The following PCNX1 variants were observed in gnomAD, a reference collection of about 807,000 sequenced individuals.
PCNX1 encodes pecanex-like protein 1.
In PCNX1, 78 loss-of-function variants were observed where a neutral mutation model predicts 242.2. The ratio of observed to expected loss-of-function variants is 0.32; its 90% CI spans 0.27 to 0.39. The LOEUF (loss-of-function observed/expected upper bound fraction) is 0.39. PCNX1 is among the 10% of genes least tolerant of loss of function. The pLI, the probability that PCNX1 is intolerant of heterozygous loss-of-function variation, is 1.00. For synonymous variants in PCNX1, 1,024 were observed against 1,032.9 expected, an observed-to-expected ratio of 0.99 and a Z score of 0.17; for missense variants, 2,581 against 2,856.5, an observed-to-expected ratio of 0.90 and a Z score of 2.20.
rs1348416842 is a variant in PCNX1 at position 71,113,235 on chromosome 14, A to AATC, written c.*3301_*3303dup. On this transcript the variant is annotated 3_prime_UTR_variant, in exon 36 of 36. Coordinates refer to ENST00000304743, the MANE Select transcript of PCNX1 (RefSeq NM_014982.3). ...TTTGACTTTGTTACTGGAGGATGAT[A>AATC]ATCTATTTCTATTAGATTCGAAGTA... 1.3e-5 allele frequency: 2 copies of AATC among 152,178 alleles called. No homozygotes were observed. The highest frequency in any genetic ancestry group is 2.9e-5 in the Non-Finnish European group (2 of 68,012). The allele number at this position is 152,178 out of a possible 1,614,324, so 9.4% of individuals were successfully genotyped here.
At chr14:70,975,085 T>TA (rs924551717) in intron 5 of PCNX1, among the ~76,000 whole-genome samples, 4 of 152,270 alleles carry the variant, frequency 2.6e-5, no homozygotes, top group African/African-American at 9.6e-5. Flanking sequence ...TCATTAGCAT[T>TA]AAAAAAACCT....
intron 6 of PCNX1, among the ~76,000 whole-genome samples, chr14:70,983,391 G>A (rs531385410): frequency 3.3e-5 from 5 of 151,888 alleles, no homozygotes; most frequent in South Asian, 2.1e-4. Flanking sequence ...TGCAACCTCC[G>A]CCTCCCAGGT....
intron 1 of PCNX1, among the ~76,000 whole-genome samples, chr14:70,931,612 C>T (rs1157451699): frequency 6.6e-6 from 1 of 152,164 alleles, no homozygotes; most frequent in East Asian, 1.9e-4. Flanking sequence ...TTTCATCTGC[C>T]AGATTTTTTT....
intron 28 of PCNX1, among the ~76,000 whole-genome samples, chr14:71,083,696 A>C (rs950917845): frequency 1.3e-5 from 2 of 152,004 alleles, no homozygotes; most frequent in African/African-American, 4.8e-5. Context: ...TTTCAGCTCC[A>C]TCAGGTCATT....
At chr14:70,987,088 C>T (rs1326638345) in intron 6 of PCNX1, among the ~76,000 whole-genome samples, 2 of 152,142 alleles carry the variant, frequency 1.3e-5, no homozygotes, top group Non-Finnish European at 2.9e-5. Context: ...ATTGCCCTTC[C>T]CTAATACATG....
intron 26 of PCNX1, among the ~76,000 whole-genome samples, chr14:71,071,177 T>G (rs2061577557): frequency 6.6e-6 from 1 of 152,218 alleles, no homozygotes; most frequent in South Asian, 2.1e-4. Flanking sequence ...GGATCAGGCT[T>G]TGGCTTAAGG....
At chr14:71,027,071 A>G in intron 15 of PCNX1, 189 bp downstream of exon 15, 1 of 458,332 alleles carries the variant, frequency 2.2e-6, no homozygotes, top group Non-Finnish European at 3.9e-6. Flanking sequence ...CAAGTCTGCT[A>G]CTTTAGAGAA....
chr14:70,961,510 T>C (rs2058212694), intron 2 of PCNX1, among the ~76,000 whole-genome samples: 1 of 152,220 alleles, frequency 6.6e-6, no homozygotes, highest in Non-Finnish European at 1.5e-5. Flanking sequence ...TATACAAAAA[T>C]TAATCCTGTT....
chr14:71,013,186 T>G lies in PCNX1; in HGVS notation c.2980T>G (p.Leu994Val), dbSNP rs557920735. ...CATTAACTTTGACAGACTCACACTT[T>G]TGGCCCTGTTTGATAGGTGAGATTA... ...IGINFDRLTL[L>V]ALFDRNREIL... The change falls in exon 11 of 36, where the codon TTG becomes GTG. Residue 994 changes from leucine to valine, a missense_variant. Physicochemically the swap from Leu to Val is conservative, Grantham distance 32. Around this residue, in one of 9 missense-constraint regions of PCNX1, gnomAD observed 3 missense variants for 16.3 expected, o/e 0.18. Transcript: ENST00000304743. 5.0e-6 allele frequency: 8 copies of G among 1,612,862 alleles called. No homozygotes were observed. In the South Asian group the frequency reaches 5.5e-5, roughly 11 times the overall value.
chr14:70,928,190 A>G (rs1456375506), intron 1 of PCNX1, among the ~76,000 whole-genome samples: 2 of 152,088 alleles, frequency 1.3e-5, no homozygotes, highest in Non-Finnish European at 1.5e-5. Context: ...AGCAAGGAGA[A>G]TCTCATTGTT....
intron 25 of PCNX1, among the ~76,000 whole-genome samples, 191 bp from the exon 26 acceptor site, chr14:71,057,318 C>T (rs561105101): frequency 1.3e-5 from 2 of 152,274 alleles, no homozygotes; most frequent in African/African-American, 4.8e-5. Context: ...TATGTGACTT[C>T]TAAATCTAAA....
In PCNX1 at chr14:71,054,650, G is replaced by GA. The variant is rs562382134; in HGVS notation, c.4578-847dup. ...GTGTTAAGTAAAAATGGTGTTCCAAGAAAAAAACGCAGCTAGTTCAGCTCG... is the reference window on the plus strand; with the variant it reads ...GTGTTAAGTAAAAATGGTGTTCCAAGAAAAAAAACGCAGCTAGTTCAGCTCG... On this transcript the variant is annotated intron_variant, in intron 24 of 35. Coordinates refer to ENST00000304743, the MANE Select transcript of PCNX1 (RefSeq NM_014982.3). 2.2e-3 allele frequency among the ~76,000 whole-genome samples: 328 copies of GA among 152,070 alleles called. 4 individuals are homozygous for GA. Among genetic ancestry groups the GA allele is most frequent in the Non-Finnish European group, 2.1e-3 (141 of 67,986 alleles).
intron 8 of PCNX1, among the ~76,000 whole-genome samples, chr14:71,007,102 C>T (rs549569590): frequency 4.0e-5 from 6 of 151,886 alleles, no homozygotes; most frequent in Non-Finnish European, 8.8e-5. Flanking sequence ...GATTTTATTA[C>T]TTGTTAGTAA....
chr14:70,962,030 G>A lies in PCNX1; in HGVS notation c.363-196G>A, dbSNP rs141678704. Among the ~76,000 whole-genome samples the A allele has an allele frequency of 1.6e-4, 24 of 151,456 alleles. No homozygotes were observed. In the East Asian group the frequency reaches 4.6e-3, roughly 29 times the overall value. On this transcript the variant is annotated intron_variant, in intron 2 of 35. Coordinates refer to ENST00000304743, the MANE Select transcript of PCNX1 (RefSeq NM_014982.3). ...GTTATACATATTTTCAAGTAGTGAT[G>A]TGGTTATAAAATAGTTCCAAGTATC...
At chr14:71,062,193 G>A (rs1317887802) in intron 26 of PCNX1, among the ~76,000 whole-genome samples, 1 of 152,084 alleles carries the variant, frequency 6.6e-6, no homozygotes, top group Non-Finnish European at 1.5e-5. Flanking sequence ...CCTCAGGCAG[G>A]TCCTTCAGGG....
intron 26 of PCNX1, among the ~76,000 whole-genome samples, chr14:71,071,135 C>G (rs887997282): frequency 6.6e-6 from 1 of 152,196 alleles, no homozygotes; most frequent in African/African-American, 2.4e-5. Context: ...TCTCAGCCTT[C>G]AAAGAATTGT....
At chr14:70,927,572 T>TTTTATTTA (rs61306962) in intron 1 of PCNX1, among the ~76,000 whole-genome samples, 14 of 151,714 alleles carry the variant, frequency 9.2e-5, no homozygotes, top group African/African-American at 2.7e-4. Context: ...ATTCTCTCTC[T>TTTTATTTA]TTTATTTATT....
chr14:70,984,139 AT>A (rs1234264108), intron 6 of PCNX1, among the ~76,000 whole-genome samples: 3 of 151,132 alleles, frequency 2.0e-5, no homozygotes, highest in African/African-American at 7.2e-5. Context: ...TCCTAATAGC[AT>A]TTTTTCTGAT....
At chr14:70,985,839 T>G (rs1161229878) in intron 6 of PCNX1, among the ~76,000 whole-genome samples, 1 of 152,234 alleles carries the variant, frequency 6.6e-6, no homozygotes, top group African/African-American at 2.4e-5. Context: ...TGTCAAAATG[T>G]CAACTCCAAA....
Sources: gnomAD v4.1 joint callset for allele counts (sites outside exome capture counted in the v4.1 genomes callset) on GRCh38, gnomAD v4.1.1 for gene constraint, gnomAD v4.1.1 regional missense constraint, MANE v1.5 for transcripts, NCBI Gene and HGNC (gene_info 2026-07-23, HGNC 2026-07-21) for gene names.